Variants in NRXN1 observed in about 807,000 individuals in gnomAD.
NRXN1 encodes the protein neurexin 1, also known as neurexin-1.
NRXN1 carries 39 observed loss-of-function variants against 150.9 expected under a neutral mutation model. The ratio of observed to expected loss-of-function variants is 0.26; its 90% confidence interval spans 0.20 to 0.34. The LOEUF (loss-of-function observed/expected upper bound fraction) is 0.34. Ranked by LOEUF, NRXN1 falls within the 10% of genes least tolerant of loss-of-function variation. The pLI, the probability that NRXN1 is intolerant of heterozygous loss-of-function variation, is 1.00. For synonymous variants in NRXN1, 924 were observed against 757.0 expected (o/e 1.22, Z -3.62); for missense variants, 1,815 against 1,949.9 (o/e 0.93, Z 1.30).
intron 21 of NRXN1, among the ~76,000 whole-genome samples, chr2:49,947,291 G>C (rs1319659821): frequency 6.6e-6 from 1 of 151,930 alleles, no homozygotes; most frequent in Non-Finnish European, 1.5e-5. Flanking sequence ...AGAGGGAGGA[G>C]GATATAAATA....
intron 17 of NRXN1, among the ~76,000 whole-genome samples, chr2:50,323,258 ACAGT>A (rs1187802242): frequency 6.6e-6 from 1 of 152,162 alleles, no homozygotes; most frequent in African/African-American, 2.4e-5. Context: ...GCAGAGCCTC[ACAGT>A]CAGAGTTCCT....
chr2:50,180,162 C>T (rs2060611529), intron 18 of NRXN1, among the ~76,000 whole-genome samples: 1 of 151,178 alleles, frequency 6.6e-6, no homozygotes, highest in Admixed American at 6.6e-5. Flanking sequence ...GCTAAGAATA[C>T]AGGGCGGTGC....
At chr2:50,977,118 C>T (rs1695964183) in intron 2 of NRXN1, among the ~76,000 whole-genome samples, 1 of 151,854 alleles carries the variant, frequency 6.6e-6, no homozygotes, top group East Asian at 1.9e-4. Flanking sequence ...AAGTTCAATA[C>T]CTCTTGGTCT....
chr2:49,930,650 T>C (rs1272895845), intron 22 of NRXN1, among the ~76,000 whole-genome samples: 5 of 152,246 alleles, frequency 3.3e-5, no homozygotes, highest in Non-Finnish European at 5.9e-5. Flanking sequence ...GTTTTGTCTT[T>C]TTTCAACTAG....
chr2:50,003,058 A>G (rs1684199330), intron 21 of NRXN1, among the ~76,000 whole-genome samples: 2 of 152,116 alleles, frequency 1.3e-5, no homozygotes, highest in South Asian at 2.1e-4. Context: ...GAAATGAGAA[A>G]TAAGTTTTTC....
At chr2:50,404,495 C>T (rs1198348524) in intron 17 of NRXN1, among the ~76,000 whole-genome samples, 1 of 152,072 alleles carries the variant, frequency 6.6e-6, no homozygotes, top group Non-Finnish European at 1.5e-5. Context: ...CAATTTAAGA[C>T]ACAAAGAGTT....
At chr2:50,636,868 T>C (rs72885644) in intron 5 of NRXN1, among the ~76,000 whole-genome samples, 6,025 of 152,260 alleles carry the variant, frequency 0.04, 391 homozygotes, top group African/African-American at 0.14. Flanking sequence ...TACTTCTTCA[T>C]ATAATTGCAA....
intron 21 of NRXN1, among the ~76,000 whole-genome samples, chr2:50,011,652 C>T (rs1685689211): frequency 6.6e-6 from 1 of 151,942 alleles, no homozygotes; most frequent in South Asian, 2.1e-4. Flanking sequence ...GTCAAGTTGC[C>T]AGCCTCTAGA....
intron 18 of NRXN1, among the ~76,000 whole-genome samples, chr2:50,154,500 G>C (rs57808426): frequency 6.6e-6 from 1 of 151,478 alleles, no homozygotes; most frequent in East Asian, 1.9e-4. Flanking sequence ...CTTTCTATCC[G>C]GTAAAAACAA....
At chr2:50,941,750 T>C (rs1000221834) in intron 2 of NRXN1, among the ~76,000 whole-genome samples, 10 of 152,160 alleles carry the variant, frequency 6.6e-5, no homozygotes, top group Non-Finnish European at 4.4e-5. Flanking sequence ...TTGGAACTTA[T>C]GTTTAAAAGG....
chr2:50,922,577 A>G (rs1420831869), intron 4 of NRXN1, 81 bp downstream of exon 4: 16 of 1,370,166 alleles, frequency 1.2e-5, no homozygotes, highest in Non-Finnish European at 1.4e-5. Flanking sequence ...GCATTTGCCC[A>G]TCCTTTGCAG....
intron 18 of NRXN1, among the ~76,000 whole-genome samples, chr2:50,135,925 G>C (rs560509599): frequency 6.6e-6 from 1 of 152,244 alleles, no homozygotes; most frequent in East Asian, 1.9e-4. Flanking sequence ...TTTAATCTTG[G>C]TCAATTCCAT....
At chr2:50,281,271 C>T (rs1344073816) in intron 17 of NRXN1, among the ~76,000 whole-genome samples, 1 of 151,500 alleles carries the variant, frequency 6.6e-6, no homozygotes, top group East Asian at 1.9e-4. Flanking sequence ...GAGCCGAGAT[C>T]GCGCCGCTGC....
intron 17 of NRXN1, among the ~76,000 whole-genome samples, chr2:50,337,949 T>G (rs1220306742): frequency 6.6e-6 from 1 of 152,224 alleles, no homozygotes; most frequent in Non-Finnish European, 1.5e-5. Context: ...ACAAGACTTT[T>G]GTATAAAGAT....
At chr2:50,391,119 C>A (rs186015485) in intron 17 of NRXN1, among the ~76,000 whole-genome samples, 1 of 151,782 alleles carries the variant, frequency 6.6e-6, no homozygotes, top group East Asian at 1.9e-4. Flanking sequence ...AGAGCTAAAA[C>A]AGCAGAATTA....
intron 17 of NRXN1, among the ~76,000 whole-genome samples, chr2:50,378,090 C>G (rs980812860): frequency 3.3e-5 from 5 of 152,132 alleles, no homozygotes; most frequent in Non-Finnish European, 7.4e-5. Flanking sequence ...AGAAGAGAAT[C>G]ACATTCAATA....
intron 17 of NRXN1, among the ~76,000 whole-genome samples, chr2:50,303,105 C>G (rs2074312697): frequency 6.6e-6 from 1 of 152,136 alleles, no homozygotes; most frequent in Non-Finnish European, 1.5e-5. Context: ...TTGCTGTAAA[C>G]TCATCTTCTC....
rs760807620 is a variant in NRXN1 at position 50,347,676 on chromosome 2, G to C, written c.3365-110706C>G. On this transcript the variant is annotated intron_variant, in intron 17 of 22. Transcript: ENST00000401669. The surrounding 1 kb of genome is among the most constrained non-coding windows in gnomAD (Gnocchi z 4.9). ...CTTCTGAAGGAAGTGGGAATCGAACGGCGGAAAGGCAGCTGAGAAGAAGAT... is the reference window on the plus strand; with the variant it reads ...CTTCTGAAGGAAGTGGGAATCGAACCGCGGAAAGGCAGCTGAGAAGAAGAT... The C allele has an allele frequency of 6.7e-5, 66 of 986,966 alleles. No homozygotes were observed. Among genetic ancestry groups the C allele is most frequent in the Non-Finnish European group, 7.7e-5 (64 of 830,962 alleles). The allele number at this position is 986,966 out of a possible 1,614,324, so 61.1% of individuals were successfully genotyped here. A position where few individuals can be genotyped will look rare whatever the true frequency, so the allele number is the denominator to read the frequency against.
At chr2:50,582,250 C>T (rs10176301) in intron 8 of NRXN1, among the ~76,000 whole-genome samples, 306 of 151,974 alleles carry the variant, frequency 2.0e-3, no homozygotes, top group African/African-American at 7.2e-3. Context: ...AATTACTTTG[C>T]AGGGCACAAG....
Sources: gnomAD v4.1 joint callset for allele counts (sites outside exome capture counted in the v4.1 genomes callset) on GRCh38, gnomAD v4.1.1 for gene constraint, Gnocchi (gnomAD v3.1) non-coding constraint, MANE v1.5 for transcripts, NCBI Gene and HGNC (gene_info 2026-07-23, HGNC 2026-07-21) for gene names.